TCAF1: variants seen among roughly 807,000 people sequenced by gnomAD.
The protein encoded by TCAF1 is TRPM8 channel-associated factor 1.
In TCAF1, 4 loss-of-function variants were observed where a neutral mutation model predicts 27.3. That is an observed-to-expected ratio of 0.15 (90% confidence interval 0.07 to 0.34). The LOEUF is 0.34. TCAF1 is among the 10% of genes least tolerant of loss of function. The pLI is 1.00. For synonymous variants in TCAF1, 105 were observed against 167.1 expected, an observed-to-expected ratio of 0.63 and a Z score of 2.87; for missense variants, 257 against 425.8, an observed-to-expected ratio of 0.60 and a Z score of 3.49.
rs566341563 is a variant in TCAF1, at chr7:143,876,546, G to C, written c.63C>G (p.Pro21=). Residue 21 remains proline (P), a synonymous_variant, in exon 2 of 9, where the codon CCC becomes CCG. Transcript: ENST00000479870. ...LMNGVTSWDV[P]EDAVPCELLL... is the part of the protein sequence containing the mutation. ...GCAGTTCACATGGAACAGCATCTTC[G>C]GGTACATCCCAGCTTGTCACACCAT... 21 of 1,543,626 alleles carry C rather than the reference G, an allele frequency of 1.4e-5. No individual in the cohort carries two copies. Among genetic ancestry groups the C allele is most frequent in the Non-Finnish European group, 1.7e-5 (19 of 1,149,874 alleles).
intron 1 of TCAF1, among the ~76,000 whole-genome samples, chr7:143,887,890 G>T (rs1489668321): frequency 1.3e-5 from 2 of 152,142 alleles, no homozygotes; most frequent in African/African-American, 4.8e-5. Flanking sequence ...ATAAAAACAG[G>T]TGAAACTAAT....
chr7:143,890,662 G>A (rs1001352018), intron 1 of TCAF1, among the ~76,000 whole-genome samples: 4 of 152,086 alleles, frequency 2.6e-5, no homozygotes, highest in Admixed American at 1.3e-4. Flanking sequence ...TTTTACTTTC[G>A]GGCATTTTTC....
At chr7:143,889,092 C>G (rs2116845035) in intron 1 of TCAF1, among the ~76,000 whole-genome samples, 1 of 151,986 alleles carries the variant, frequency 6.6e-6, no homozygotes, top group Non-Finnish European at 1.5e-5. Context: ...TGAACTGGAT[C>G]TGGAGTAGAG....
intron 1 of TCAF1, chr7:143,882,917 A>AGG (rs1813155229): frequency 2.1e-6 from 2 of 971,154 alleles, no homozygotes; most frequent in Non-Finnish European, 2.4e-6. Flanking sequence ...CCTCCTCCCC[A>AGG]CTTCCTCCCA....
In TCAF1 at chr7:143,896,895, G is replaced by A. The variant is rs369998901; in HGVS notation, c.-15+5066C>T. Among the ~76,000 whole-genome samples, 10 of 150,744 alleles carry A rather than the reference G, an allele frequency of 6.6e-5. No homozygotes were observed. The East Asian group carries it at 1.4e-3, about 21-fold the overall frequency. ...TTAAAAGCTTAGAAAATAAATCACA[G>A]AAAAAATTCAAAGAAAGAAGAAAGT... On this transcript the variant is annotated intron_variant, in intron 1 of 8. Transcript: ENST00000479870.
chr7:143,874,646 G>A (rs1812589881), intron 2 of TCAF1, among the ~76,000 whole-genome samples: 1 of 151,476 alleles, frequency 6.6e-6, no homozygotes, highest in Non-Finnish European at 1.5e-5. Flanking sequence ...GAGCTTCTAT[G>A]CCACCACTTT....
intron 2 of TCAF1, among the ~76,000 whole-genome samples, chr7:143,875,192 C>T (rs528250024): frequency 2.6e-5 from 4 of 152,254 alleles, no homozygotes; most frequent in South Asian, 2.1e-4. Context: ...TCTGAGAATG[C>T]TGAGAGTTTT....
At chr7:143,885,398 T>C (rs996606073) in intron 1 of TCAF1, 495 of 985,296 alleles carry the variant, frequency 5.0e-4, no homozygotes, top group Non-Finnish European at 5.6e-4. Flanking sequence ...CGGGAGCTGA[T>C]TGGCTGCCGC....
intron 1 of TCAF1, among the ~76,000 whole-genome samples, chr7:143,897,942 GTATAAA>G (rs1223176117): frequency 6.6e-6 from 1 of 151,958 alleles, no homozygotes; most frequent in African/African-American, 2.4e-5. Flanking sequence ...TAAATCACAC[GTATAAA>G]TATAAATATC....
rs1366934848 is a variant in TCAF1, at chr7:143,852,411, T to C, written c.*1722A>G. The C allele has an allele frequency of 6.6e-6, 1 of 152,400 alleles. No homozygotes were observed. The highest frequency in any genetic ancestry group is 1.9e-4 in the East Asian group (1 of 5,206). The allele number at this position is 152,400 out of a possible 1,614,324, so 9.4% of individuals were successfully genotyped here. On this transcript the variant is annotated 3_prime_UTR_variant, in exon 9 of 9. Transcript: ENST00000479870. ...ATGAGACATCCTAAGTAAGGTCCACTGTTTTATGGATCCCATTTCTTCTTC... is the reference window on the plus strand; with the variant it reads ...ATGAGACATCCTAAGTAAGGTCCACCGTTTTATGGATCCCATTTCTTCTTC...
At chr7:143,885,668 T>A in intron 1 of TCAF1, 2 of 490,042 alleles carry the variant, frequency 4.1e-6, no homozygotes, top group Non-Finnish European at 5.3e-6. Flanking sequence ...ATAAATCTAC[T>A]TATATATTGC....
intron 1 of TCAF1, among the ~76,000 whole-genome samples, chr7:143,897,009 TAAAAC>T (rs1002353579): frequency 3.3e-5 from 5 of 149,542 alleles, no homozygotes; most frequent in African/African-American, 9.8e-5. Flanking sequence ...CTGGAAAAAT[TAAAAC>T]AAAAAGAGAA....
At chr7:143,892,361 C>T (rs1813674840) in intron 1 of TCAF1, among the ~76,000 whole-genome samples, 1 of 151,580 alleles carries the variant, frequency 6.6e-6, no homozygotes, top group African/African-American at 2.4e-5. Context: ...ATAAGGTGAA[C>T]TGTAATATCT....
chr7:143,885,323 G>C, intron 1 of TCAF1: 6 of 985,564 alleles, frequency 6.1e-6, no homozygotes, highest in Non-Finnish European at 7.2e-6. Context: ...GTAGTGAAGT[G>C]GCTAGGAGGA....
intron 1 of TCAF1, among the ~76,000 whole-genome samples, chr7:143,889,102 G>A (rs1461836476): frequency 6.6e-6 from 1 of 152,038 alleles, no homozygotes; most frequent in African/African-American, 2.4e-5. Flanking sequence ...CTGGAGTAGA[G>A]GAAATTATTC....
At chr7:143,899,223 T>TA (rs1209734081) in intron 1 of TCAF1, among the ~76,000 whole-genome samples, 1 of 152,214 alleles carries the variant, frequency 6.6e-6, no homozygotes, top group Non-Finnish European at 1.5e-5. Context: ...TAAATATTTA[T>TA]ATGGAAGGTC....
intron 1 of TCAF1, 33 bp from the exon 2 acceptor site, chr7:143,876,655 G>A (rs764660417): frequency 1.1e-5 from 16 of 1,455,520 alleles, no homozygotes; most frequent in African/African-American, 2.8e-5. Context: ...TCAGCTTAGC[G>A]AAGAATGGAT....
rs905238315 is a variant in TCAF1 at position 143,884,708 on chromosome 7, G to T, written c.-14-8086C>A. ...TCAGGATGGGGGCATGAGATTTGGT[G>T]GGGGGAAGGGGTTTTTAAGTGTTTT... On this transcript the variant is annotated intron_variant, in intron 1 of 8. Transcript: ENST00000479870. Among the ~76,000 whole-genome samples, 5 of 149,662 alleles carry T rather than the reference G, an allele frequency of 3.3e-5. No homozygotes were observed. The East Asian group carries it at 1.0e-3, about 30-fold the overall frequency.
rs772877945 is a variant in TCAF1 at position 143,876,000 on chromosome 7, T to C, written c.609A>G (p.Pro203=). 4 of 1,555,140 alleles carry C rather than the reference T, an allele frequency of 2.6e-6. No homozygotes were observed. In the South Asian group the frequency reaches 3.7e-5, roughly 15 times the overall value. Residue 203 remains proline, a synonymous_variant, in exon 2 of 9, where the codon CCA becomes CCG. Transcript: ENST00000479870. The part of the protein sequence containing the change: ...FKVSKKMPKI[P]VLVSCEDDLS... ...GGTAACATACTCACCTAACCAACAC[T>C]GGGATCTTGGGCATCTTCTTGGAGA... is the stretch of plus-strand genomic sequence containing the variant.
Sources: gnomAD v4.1 joint callset for allele counts (sites outside exome capture counted in the v4.1 genomes callset) on GRCh38, gnomAD v4.1.1 for gene constraint, MANE v1.5 for transcripts, NCBI Gene and HGNC (gene_info 2026-07-23, HGNC 2026-07-21) for gene names.